Variants in OSBPL7 observed in about 807,000 individuals in gnomAD.
The protein encoded by OSBPL7 is oxysterol binding protein like 7.
A neutral mutation model predicts 115.8 loss-of-function variants in OSBPL7; 66 were observed. That is an observed-to-expected ratio of 0.57 (90% CI 0.47 to 0.70). The LOEUF (loss-of-function observed/expected upper bound fraction) is 0.70. Among genes scored for constraint, OSBPL7 ranks in the 30% least tolerant of loss-of-function variants. OSBPL7 has a pLI of 0.00. For synonymous variants in OSBPL7, 441 were observed against 439.2 expected, an observed-to-expected ratio of 1.00 and a Z score of -0.05; for missense variants, 902 against 1,125.5, an observed-to-expected ratio of 0.80 and a Z score of 2.84.
At position 47,819,111 on chromosome 17, in the gene OSBPL7, G is replaced by A. The variant is rs1567945418; in HGVS notation, c.256-12C>T. 1.9e-6 allele frequency: 3 copies of A among 1,610,440 alleles called. No homozygotes were observed. The highest frequency in any genetic ancestry group is 1.3e-5 in the African/African-American group (1 of 74,950). ...TTCCCCTTGGTGATCTGGGGGTGAA[G>A]TGTTGGTAGAGGGAGAGGGGACCTG... On this transcript the variant is annotated splice_polypyrimidine_tract_variant and intron_variant, in intron 4 of 22. Coordinates refer to ENST00000007414, the MANE Select transcript of OSBPL7 (RefSeq NM_145798.3).
rs1360011333 is a variant in OSBPL7, at chr17:47,816,514, T to A, written c.929-32A>T. On this transcript the variant is annotated intron_variant, in intron 10 of 22. Coordinates refer to ENST00000007414, the MANE Select transcript of OSBPL7 (RefSeq NM_145798.3). This position sits in a 1 kb window ranked among gnomAD's most constrained non-coding sequence, Gnocchi z 5.8. Reference sequence around the variant, plus strand: ...GGAGTGGGGCAGACCATCAGAGTCCTCGCTCGCTCCTGTCCGCTCCCCACC... The same window carrying A: ...GGAGTGGGGCAGACCATCAGAGTCCACGCTCGCTCCTGTCCGCTCCCCACC... 1 of 1,566,290 alleles carries A rather than the reference T, an allele frequency of 6.4e-7. No homozygotes were observed. Among genetic ancestry groups the A allele is most frequent in the African/African-American group, 1.4e-5 (1 of 73,690 alleles).
At chr17:47,818,909 C>T (rs1489850941) in intron 5 of OSBPL7, 77 bp downstream of exon 5, 2 of 1,288,642 alleles carry the variant, frequency 1.6e-6, no homozygotes, top group Non-Finnish European at 2.3e-6. Flanking sequence ...CACAGACCCT[C>T]AGCCCCTGCC....
In OSBPL7 at chr17:47,815,317, G is replaced by T; in HGVS notation, c.1155C>A (p.Thr385=). Residue 385 remains threonine, a synonymous_variant, in exon 13 of 23, where the codon ACC becomes ACA. Transcript: ENST00000007414. ...EALYMKGREL[T]PQLSQTSILS... ...GGATGCTGGTCTGCGATAGCTGGGGGGTGAGCTCGCGCCCCTTCATGTACA... is the reference window on the plus strand; with the variant it reads ...GGATGCTGGTCTGCGATAGCTGGGGTGTGAGCTCGCGCCCCTTCATGTACA... 6.2e-7 allele frequency: 1 copy of T among 1,613,952 alleles called. No homozygotes were observed. Among genetic ancestry groups the T allele is most frequent in the South Asian group, 1.1e-5 (1 of 91,072 alleles).
In OSBPL7 at chr17:47,815,306, G is replaced by A. The variant is rs1277565837; in HGVS notation, c.1166C>T (p.Ser389Leu). ...MKGRELTPQLSQTSILSLADS... is the reference protein window; with the variant it reads ...MKGRELTPQLLQTSILSLADS... ...AGCAAGGGACAGGATGCTGGTCTGCGATAGCTGGGGGGTGAGCTCGCGCCC... is the reference window on the plus strand; with the variant it reads ...AGCAAGGGACAGGATGCTGGTCTGCAATAGCTGGGGGGTGAGCTCGCGCCC... The change falls in exon 13 of 23, where the codon TCG (serine) becomes TTG (leucine). Residue 389 changes from serine to leucine, a missense_variant. This residue lies in a region of OSBPL7 where 667 missense variants were observed against 788.7 expected (regional missense o/e 0.85). Coordinates refer to ENST00000007414, the MANE Select transcript of OSBPL7 (RefSeq NM_145798.3). The A allele has an allele frequency of 6.2e-6, 10 of 1,613,876 alleles. No homozygotes were observed. The highest frequency in any genetic ancestry group is 2.2e-5 in the East Asian group (1 of 44,890).
chr17:47,820,188 T>C lies in OSBPL7; in HGVS notation c.75+16A>G. On this transcript the variant is annotated intron_variant, in intron 2 of 22. Coordinates refer to ENST00000007414, the MANE Select transcript of OSBPL7 (RefSeq NM_145798.3). ...TCCAGCTTGGCCCACCCACCACCGC[T>C]TTCCCACTCTCTGACCTGCTGAGCA... 6.2e-7 allele frequency: 1 copy of C among 1,613,904 alleles called. No homozygotes were observed.
In OSBPL7 at chr17:47,816,313, T is replaced by C; in HGVS notation, c.1023+75A>G. The C allele has an allele frequency of 6.7e-7, 1 of 1,483,798 alleles. No homozygotes were observed. The highest frequency in any genetic ancestry group is 9.0e-7 in the Non-Finnish European group (1 of 1,107,062). The allele number at this position is 1,483,798 out of a possible 1,614,324, so 91.9% of individuals were successfully genotyped here. On this transcript the variant is annotated intron_variant, in intron 11 of 22. Transcript: ENST00000007414. The surrounding 1 kb of genome is among the most constrained non-coding windows in gnomAD (Gnocchi z 5.8). The stretch of plus-strand genomic sequence containing the variant: ...ACCCCCCACCCTGACCCAGATCTGC[T>C]ATCGGACCCCAGGCTGGCAGTCCTC...
At position 47,816,227 on chromosome 17, in the gene OSBPL7, G is replaced by A; in HGVS notation, c.1024-25C>T. On this transcript the variant is annotated intron_variant, in intron 11 of 22. Coordinates refer to ENST00000007414, the MANE Select transcript of OSBPL7 (RefSeq NM_145798.3). The surrounding 1 kb of genome is among the most constrained non-coding windows in gnomAD (Gnocchi z 5.8). ...CCTGCAGGGAGAGGGTGAGGGACACGGTGCCAGGAGGATGAGGTCCTCCCC... is the reference window on the plus strand; with the variant it reads ...CCTGCAGGGAGAGGGTGAGGGACACAGTGCCAGGAGGATGAGGTCCTCCCC... 2 of 1,540,568 alleles carry A rather than the reference G, an allele frequency of 1.3e-6. No homozygotes were observed. The highest frequency in any genetic ancestry group is 2.0e-5 in the Admixed American group (1 of 50,532).
Position 47,808,626 on chromosome 17 carries a change from C to T in OSBPL7, c.2332G>A (p.Ala778Thr). Residue 778 changes from alanine to threonine, a missense_variant, in exon 22 of 23, where the codon GCC (alanine) becomes ACC (threonine). Transcript: ENST00000007414. The surrounding 1 kb of genome is among the most constrained non-coding windows in gnomAD (Gnocchi z 6.1). ...LEEGNIQAAE[A>T]QKRRIEQLQR... Reference sequence around the variant, plus strand: ...AGCTGCTCGATCCTTCTCTTCTGGGCCTCAGCGGCCTGTATGTTCCCCTCC... The same window carrying T: ...AGCTGCTCGATCCTTCTCTTCTGGGTCTCAGCGGCCTGTATGTTCCCCTCC... The T allele has an allele frequency of 1.2e-6, 2 of 1,614,218 alleles. No homozygotes were observed. The highest frequency in any genetic ancestry group is 1.7e-6 in the Non-Finnish European group (2 of 1,180,030).
In OSBPL7 at chr17:47,816,970, G is replaced by A; in HGVS notation, c.703-98C>T. The A allele has an allele frequency of 8.5e-7, 1 of 1,182,570 alleles. No individual in the cohort carries two copies. The allele number at this position is 1,182,570 out of a possible 1,614,324, so 73.3% of individuals were successfully genotyped here. On this transcript the variant is annotated intron_variant, in intron 8 of 22. Coordinates refer to ENST00000007414, the MANE Select transcript of OSBPL7 (RefSeq NM_145798.3). The surrounding 1 kb of genome is among the most constrained non-coding windows in gnomAD (Gnocchi z 5.8). Reference sequence around the variant, plus strand: ...GAGGTAGACGGCCTCCTGCGCCATGGAGGAGGGCGCAGATTACCCAGCACA... The same window carrying A: ...GAGGTAGACGGCCTCCTGCGCCATGAAGGAGGGCGCAGATTACCCAGCACA...
chr17:47,820,436 A>G, intron 1 of OSBPL7, 71 bp from the exon 2 acceptor site: 1 of 652,900 alleles, frequency 1.5e-6, no homozygotes, highest in South Asian at 1.9e-5. Flanking sequence ...CCCCTCCCAC[A>G]CCCTCTGAGA....
intron 18 of OSBPL7, among the ~76,000 whole-genome samples, chr17:47,809,693 C>T (rs530150074): frequency 5.3e-5 from 8 of 152,270 alleles, no homozygotes; most frequent in Admixed American, 2.0e-4. Flanking sequence ...TCTACAAAGC[C>T]CCTGAGTGCC....
chr17:47,817,975 C>A (rs149143335), intron 7 of OSBPL7, among the ~76,000 whole-genome samples: 110 of 152,348 alleles, frequency 7.2e-4, no homozygotes, highest in Middle Eastern at 3.4e-3. Flanking sequence ...CTAGAGCACA[C>A]CCCTTCCCTG....
rs767122644 is a variant in OSBPL7 at position 47,813,799 on chromosome 17, G to A, written c.1387C>T (p.Arg463Cys). The A allele has an allele frequency of 1.9e-5, 31 of 1,611,968 alleles. No individual in the cohort carries two copies. The highest frequency in any genetic ancestry group is 2.3e-5 in the Non-Finnish European group (27 of 1,179,678). The stretch of plus-strand genomic sequence containing the variant: ...CTGGCCGCCGGCAGGCAGCGACGGC[G>A]GGGTGGCCCCATGGGTCTCCCTGGA... ...CVPGRPMGPP[R>C]RRCLPAASGP... The change falls in exon 15 of 23, where the codon CGC becomes TGC. Residue 463 changes from arginine (R) to cysteine (C), a missense_variant. Around this residue, in one of 3 missense-constraint regions of OSBPL7, gnomAD observed 667 missense variants for 788.7 expected, o/e 0.85. Coordinates refer to ENST00000007414, the MANE Select transcript of OSBPL7 (RefSeq NM_145798.3).
Position 47,816,078 on chromosome 17 carries a change from G to T in OSBPL7, c.1119+29C>A. On this transcript the variant is annotated intron_variant, in intron 12 of 22. Transcript: ENST00000007414. The surrounding 1 kb of genome is among the most constrained non-coding windows in gnomAD (Gnocchi z 5.8). ...CTGGGAGAGAAGGCACAGGAGAATC[G>T]GCCCCCACAGCCCACCCTGGCTCCT... The T allele has an allele frequency of 6.6e-7, 1 of 1,525,312 alleles. No homozygotes were observed. The allele number at this position is 1,525,312 out of a possible 1,614,324, so 94.5% of individuals were successfully genotyped here.
chr17:47,819,618 G>A (rs916555082), intron 4 of OSBPL7, 111 bp downstream of exon 4: 2 of 1,291,560 alleles, frequency 1.5e-6, no homozygotes, highest in African/African-American at 2.9e-5. Flanking sequence ...TCAGCAAGTG[G>A]TGGACCTGGG....
chr17:47,814,639 G>GGGCA, intron 13 of OSBPL7, 25 bp from the exon 14 acceptor site: 1 of 1,605,252 alleles, frequency 6.2e-7, no homozygotes, highest in Non-Finnish European at 8.5e-7. Context: ...ATGACAGGCC[G>GGGCA]GGCAGACTGG....
intron 3 of OSBPL7, 44 bp downstream of exon 3, chr17:47,819,927 C>A: frequency 6.4e-7 from 1 of 1,552,006 alleles, no homozygotes; most frequent in Non-Finnish European, 8.8e-7. Flanking sequence ...CCATTCCCAC[C>A]CCGCCCCCCA....
In OSBPL7 at chr17:47,814,482, C is replaced by T. The variant is rs138203143; in HGVS notation, c.1351+39G>A. 1.3e-4 allele frequency: 141 copies of T among 1,062,204 alleles called. 17 individuals carry two copies. Among genetic ancestry groups the T allele is most frequent in the Non-Finnish European group, 1.8e-4 (124 of 690,856 alleles). The allele number at this position is 1,062,204 out of a possible 1,614,324, so 65.8% of individuals were successfully genotyped here. On this transcript the variant is annotated intron_variant, in intron 14 of 22. Coordinates refer to ENST00000007414, the MANE Select transcript of OSBPL7 (RefSeq NM_145798.3). ...CATGGACAAACCCTGTTTTTCCACC[C>T]GCCTCCCACCCCTCCCTGCCTGCCC...
At chr17:47,812,328 C>A (rs955183046) in intron 16 of OSBPL7, among the ~76,000 whole-genome samples, 1 of 152,194 alleles carries the variant, frequency 6.6e-6, no homozygotes, top group Admixed American at 6.5e-5. Flanking sequence ...CTAGACACTG[C>A]GAGCAGTCCT....
Sources: gnomAD v4.1 joint callset for allele counts (sites outside exome capture counted in the v4.1 genomes callset) on GRCh38, gnomAD v4.1.1 for gene constraint, gnomAD v4.1.1 regional missense constraint, Gnocchi (gnomAD v3.1) non-coding constraint, MANE v1.5 for transcripts, NCBI Gene and HGNC (gene_info 2026-07-23, HGNC 2026-07-21) for gene names.